Variants in BIRC6 observed in about 807,000 individuals in gnomAD.
BIRC6 encodes the protein baculoviral IAP repeat containing 6.
In BIRC6, 98 loss-of-function variants were observed where a neutral mutation model predicts 503.3. That is an observed-to-expected ratio of 0.19 (90% CI 0.17 to 0.23). The LOEUF is 0.23. Ranked by LOEUF, BIRC6 falls within the 10% of genes least tolerant of loss-of-function variation. BIRC6 has a pLI of 1.00. For missense variants in BIRC6, 5,360 were observed against 5,806.0 expected, an observed-to-expected ratio of 0.92 and a Z score of 2.50; for synonymous variants, 2,240 against 2,078.7, an observed-to-expected ratio of 1.08 and a Z score of -2.11.
At chr2:32,593,167 A>G (rs749801624) in intron 66 of BIRC6, among the ~76,000 whole-genome samples, 9 of 152,222 alleles carry the variant, frequency 5.9e-5, no homozygotes, top group Admixed American at 1.3e-4. Context: ...TAGTGTAAAG[A>G]TGTTTGTGAT....
chr2:32,510,185 A>G (rs892770152), intron 52 of BIRC6, among the ~76,000 whole-genome samples, 191 bp downstream of exon 52: 2 of 152,018 alleles, frequency 1.3e-5, no homozygotes, highest in Non-Finnish European at 2.9e-5. Context: ...ATCTTGGCTC[A>G]CTACAACCTC....
At position 32,438,151 on chromosome 2, in the gene BIRC6, T is replaced by C. The variant is rs940074540; in HGVS notation, c.3632-1357T>C. Among the ~76,000 whole-genome samples the C allele has an allele frequency of 2.6e-5, 4 of 152,314 alleles. No homozygotes were observed. In the East Asian group the frequency reaches 7.7e-4, roughly 29 times the overall value. On this transcript the variant is annotated intron_variant, in intron 15 of 73. Coordinates refer to ENST00000421745, the MANE Select transcript of BIRC6 (RefSeq NM_016252.4). ...TTACATGGCATGTGTTTGGAAAGTA[T>C]TAATTTTCTTAGAATATACTAAGAT...
chr2:32,532,284 A>G (rs746649379), intron 61 of BIRC6: 12 of 486,648 alleles, frequency 2.5e-5, no homozygotes, highest in Non-Finnish European at 3.8e-5. Flanking sequence ...ATAGTTGAGG[A>G]GGCTGTAAGT....
intron 59 of BIRC6, 179 bp from the exon 60 acceptor site, chr2:32,529,472 T>A: frequency 1.9e-6 from 1 of 530,672 alleles, no homozygotes; most frequent in Non-Finnish European, 3.2e-6. Context: ...TTCATTATTA[T>A]ATGTCAGAAA....
chr2:32,414,891 G>A lies in BIRC6; in HGVS notation c.1600G>A (p.Asp534Asn). 6.2e-7 allele frequency: 1 copy of A among 1,613,936 alleles called. No homozygotes were observed. Residue 534 changes from aspartate to asparagine, a missense_variant, in exon 10 of 74, where the codon GAT becomes AAT. Asp to Asn is a conservative substitution (Grantham distance 23). Around this residue, in one of 16 missense-constraint regions of BIRC6, gnomAD observed 700 missense variants for 739.3 expected, o/e 0.95. Transcript: ENST00000421745. ...AAATGTGCTTGAAGATACTGTTAAGGATCTTGAAGAACTTGGGGCAAATCC... is the reference window on the plus strand; with the variant it reads ...AAATGTGCTTGAAGATACTGTTAAGAATCTTGAAGAACTTGGGGCAAATCC... ...VANVLEDTVK[D>N]LEELGANPCL...
intron 41 of BIRC6, 40 bp downstream of exon 41, chr2:32,487,841 T>A (rs1294074107): frequency 6.6e-7 from 1 of 1,526,264 alleles, no homozygotes; most frequent in East Asian, 2.3e-5. Flanking sequence ...TACATATTAT[T>A]GTTAGCCTGG....
At chr2:32,551,855 A>G (rs1033652187) in intron 65 of BIRC6, among the ~76,000 whole-genome samples, 6 of 152,180 alleles carry the variant, frequency 3.9e-5, no homozygotes, top group Non-Finnish European at 5.9e-5. Flanking sequence ...TTTTTACAGA[A>G]TGTAACCATT....
chr2:32,449,998 G>A (rs1250001798), intron 22 of BIRC6, among the ~76,000 whole-genome samples: 3 of 152,116 alleles, frequency 2.0e-5, no homozygotes, highest in African/African-American at 7.2e-5. Context: ...TTAGACCATT[G>A]TAATTTATGA....
At chr2:32,600,228 T>C (rs547233551) in intron 70 of BIRC6, among the ~76,000 whole-genome samples, 1 of 152,338 alleles carries the variant, frequency 6.6e-6, no homozygotes, top group South Asian at 2.1e-4. Context: ...AGTAGGAAGA[T>C]GCATTTCCAT....
intron 55 of BIRC6, among the ~76,000 whole-genome samples, chr2:32,516,830 A>G (rs182161784): frequency 2.6e-5 from 4 of 152,186 alleles, no homozygotes; most frequent in African/African-American, 9.6e-5. Flanking sequence ...GGGGCTAGCA[A>G]TACCTGCCTC....
At chr2:32,383,864 A>T (rs1023035567) in intron 3 of BIRC6, among the ~76,000 whole-genome samples, 2 of 152,164 alleles carry the variant, frequency 1.3e-5, no homozygotes, top group Non-Finnish European at 2.9e-5. Context: ...TTGTTACTTC[A>T]TCTTTACTAT....
chr2:32,450,979 G>T (rs1389404189), intron 22 of BIRC6, among the ~76,000 whole-genome samples: 2 of 152,130 alleles, frequency 1.3e-5, no homozygotes, highest in African/African-American at 4.8e-5. Context: ...ATCCATGGAT[G>T]CCAAACCCAC....
At position 32,509,853 on chromosome 2, in the gene BIRC6, T is replaced by C. The variant is rs147301101; in HGVS notation, c.10096T>C (p.Leu3366=). ...ANLLQTCAAL[L]MSPYCGMHSP... is the part of the protein sequence containing the mutation. ...TCTGCTGCAGACTTGTGCGGCCTTA[T>C]TGATGTCACCTTACTGTGGAATGCA... The change falls in exon 52 of 74, where the codon TTG becomes CTG. Residue 3366 remains leucine, a synonymous_variant. Transcript: ENST00000421745. 46 of 1,613,882 alleles carry C rather than the reference T, an allele frequency of 2.9e-5. No individual in the cohort carries two copies. In the African/African-American group the frequency reaches 5.1e-4, roughly 18 times the overall value.
At chr2:32,503,324 G>A in intron 49 of BIRC6, 88 bp downstream of exon 49, 4 of 1,057,988 alleles carry the variant, frequency 3.8e-6, no homozygotes, top group Non-Finnish European at 5.5e-6. Flanking sequence ...GTCAGTTGAT[G>A]ATGTTATATA....
chr2:32,555,985 T>C lies in BIRC6; in HGVS notation c.13144+6504T>C, dbSNP rs2058751746. Among the ~76,000 whole-genome samples the C allele has an allele frequency of 2.0e-5, 3 of 151,922 alleles. No individual in the cohort carries two copies. The South Asian group carries it at 6.2e-4, about 31-fold the overall frequency. On this transcript the variant is annotated intron_variant, in intron 65 of 73. Coordinates refer to ENST00000421745, the MANE Select transcript of BIRC6 (RefSeq NM_016252.4). ...TAGCCCAAAGTATATTTTAATAGTA[T>C]TTTAATATGGCTCTAGTTTTTGTGA...
chr2:32,566,418 T>A (rs2059537413), intron 65 of BIRC6: 1 of 152,228 alleles, frequency 6.6e-6, no homozygotes, highest in Admixed American at 6.5e-5. Flanking sequence ...AGTGGTGTGA[T>A]TATGGCTCAC....
chr2:32,463,139 C>T (rs1215450652), intron 23 of BIRC6, 55 bp from the exon 24 acceptor site: 3 of 1,420,090 alleles, frequency 2.1e-6, no homozygotes, highest in Non-Finnish European at 2.8e-6. Flanking sequence ...TGTCTTTAAC[C>T]TTTTCTTCAT....
At chr2:32,455,103 G>A (rs2047096691) in intron 23 of BIRC6, among the ~76,000 whole-genome samples, 1 of 152,176 alleles carries the variant, frequency 6.6e-6, no homozygotes, top group South Asian at 2.1e-4. Flanking sequence ...CCTGGGCCTG[G>A]CGCGGTGGCT....
intron 9 of BIRC6, among the ~76,000 whole-genome samples, chr2:32,407,562 A>C (rs2149845351): frequency 6.6e-6 from 1 of 152,242 alleles, no homozygotes; most frequent in African/African-American, 2.4e-5. Flanking sequence ...CTATTGTTTA[A>C]TGTTAGATGC....
Sources: gnomAD v4.1 joint callset for allele counts (sites outside exome capture counted in the v4.1 genomes callset) on GRCh38, gnomAD v4.1.1 for gene constraint, gnomAD v4.1.1 regional missense constraint, MANE v1.5 for transcripts, NCBI Gene and HGNC (gene_info 2026-07-23, HGNC 2026-07-21) for gene names.